Variants in KCNIP1 observed in about 807,000 individuals in gnomAD.
KCNIP1 encodes the protein A-type potassium channel modulatory protein KCNIP1.
A neutral mutation model predicts 33.0 loss-of-function variants in KCNIP1; 18 were observed. The observed-to-expected ratio is 0.55, with a 90% CI of 0.38 to 0.81. The LOEUF is 0.81. Ranked by LOEUF, KCNIP1 falls within the 30% of genes least tolerant of loss-of-function variation. The pLI, the probability that KCNIP1 is intolerant of heterozygous loss-of-function variation, is 0.00. For missense variants in KCNIP1, 238 were observed against 271.6 expected (o/e 0.88, Z 0.87); for synonymous variants, 93 against 98.3 (o/e 0.95, Z 0.32).
At chr5:170,589,251 G>A (rs1482307458) in intron 1 of KCNIP1, among the ~76,000 whole-genome samples, 1 of 151,954 alleles carries the variant, frequency 6.6e-6, no homozygotes, top group South Asian at 2.1e-4. Flanking sequence ...CACCCGCCTC[G>A]GCCTCCCAAA....
chr5:170,487,002 A>G (rs755068519), intron 1 of KCNIP1, among the ~76,000 whole-genome samples: 8 of 152,198 alleles, frequency 5.3e-5, no homozygotes, highest in Non-Finnish European at 7.3e-5. Flanking sequence ...TATATATATT[A>G]TACACATTAT....
chr5:170,408,617 G>T (rs188345061), intron 1 of KCNIP1, among the ~76,000 whole-genome samples: 1 of 152,200 alleles, frequency 6.6e-6, no homozygotes, highest in Non-Finnish European at 1.5e-5. Context: ...CTTCTCGGGC[G>T]ATGAGAGAAA....
intron 1 of KCNIP1, among the ~76,000 whole-genome samples, chr5:170,569,833 C>G (rs1319311871): frequency 6.6e-6 from 1 of 152,078 alleles, no homozygotes; most frequent in Non-Finnish European, 1.5e-5. Flanking sequence ...GATTTCCATC[C>G]AGACAAAGAA....
At position 170,462,175 on chromosome 5, in the gene KCNIP1, C is replaced by T. The variant is rs1756515921; in HGVS notation, c.88+108211C>T. Among the ~76,000 whole-genome samples, 3 of 145,404 alleles carry T rather than the reference C, an allele frequency of 2.1e-5. No individual in the cohort carries two copies. In the South Asian group the frequency reaches 6.6e-4, roughly 32 times the overall value. On this transcript the variant is annotated intron_variant, in intron 1 of 7. Coordinates refer to the KCNIP1 transcript ENST00000377360. Reference sequence around the variant, plus strand: ...ATGAACAGTCAGCAGAGTAAACAGACAACCCAGAGAGTGGGAGAAAATCTT... The same window carrying T: ...ATGAACAGTCAGCAGAGTAAACAGATAACCCAGAGAGTGGGAGAAAATCTT...
chr5:170,531,179 GC>G (rs1465683446), intron 1 of KCNIP1, among the ~76,000 whole-genome samples: 1 of 152,170 alleles, frequency 6.6e-6, no homozygotes, highest in African/African-American at 2.4e-5. Context: ...GGATGTGGCA[GC>G]AAACAGGTAT....
chr5:170,640,323 C>T (rs765336725), intron 1 of KCNIP1, among the ~76,000 whole-genome samples: 1 of 152,134 alleles, frequency 6.6e-6, no homozygotes, highest in African/African-American at 2.4e-5. Context: ...GAGTAGGGCA[C>T]GCAGGGAAGA....
At chr5:170,608,701 G>A (rs1403507227) in intron 1 of KCNIP1, among the ~76,000 whole-genome samples, 1 of 151,864 alleles carries the variant, frequency 6.6e-6, no homozygotes, top group African/African-American at 2.4e-5. Flanking sequence ...GAACCCGGGA[G>A]GCAGAGGTTG....
intron 1 of KCNIP1, among the ~76,000 whole-genome samples, chr5:170,519,413 C>T (rs772118642): frequency 1.1e-4 from 17 of 152,162 alleles, no homozygotes; most frequent in African/African-American, 2.2e-4. Flanking sequence ...ATAAGGAATA[C>T]GATTTGGGGA....
upstream of KCNIP1, among the ~76,000 whole-genome samples, chr5:170,502,685 G>A (rs1020187698): frequency 2.0e-5 from 3 of 152,210 alleles, no homozygotes; most frequent in African/African-American, 7.2e-5. Context: ...GCTTGTTTAT[G>A]AGGCCATACA....
intron 1 of KCNIP1, among the ~76,000 whole-genome samples, chr5:170,686,691 T>C (rs17072805): frequency 0.069 from 10,439 of 152,188 alleles, 437 homozygotes; most frequent in African/African-American, 0.11. Context: ...ACATTCTGTC[T>C]AGTTACTTCC....
intron 1 of KCNIP1, among the ~76,000 whole-genome samples, chr5:170,358,918 T>C (rs1429922369): frequency 6.6e-6 from 1 of 152,210 alleles, no homozygotes; most frequent in Non-Finnish European, 1.5e-5. Flanking sequence ...AAGTCACGCC[T>C]GCCTGCACTA....
At chr5:170,524,584 G>GC (rs1290084139) in intron 1 of KCNIP1, among the ~76,000 whole-genome samples, 1 of 152,102 alleles carries the variant, frequency 6.6e-6, no homozygotes, top group Non-Finnish European at 1.5e-5. Context: ...AAGACTCAGA[G>GC]CATGACCAGT....
intron 1 of KCNIP1, among the ~76,000 whole-genome samples, chr5:170,458,354 G>A (rs1756435598): frequency 6.6e-6 from 1 of 152,216 alleles, no homozygotes; most frequent in African/African-American, 2.4e-5. Context: ...AGAACACCTG[G>A]GAAATTCATT....
At chr5:170,634,079 T>G (rs780226038) in intron 1 of KCNIP1, among the ~76,000 whole-genome samples, 1 of 151,914 alleles carries the variant, frequency 6.6e-6, no homozygotes, top group South Asian at 2.1e-4. Flanking sequence ...CAGACCAAAG[T>G]TGAGGTGAGA....
intron 1 of KCNIP1, among the ~76,000 whole-genome samples, chr5:170,618,508 G>GA (rs1759475899): frequency 2.1e-5 from 2 of 95,716 alleles, no homozygotes; most frequent in Admixed American, 1.1e-4. Flanking sequence ...GGGAGGAAAG[G>GA]AGGAAGGAAG....
intron 1 of KCNIP1, among the ~76,000 whole-genome samples, chr5:170,654,437 G>A (rs1386936540): frequency 6.6e-6 from 1 of 152,166 alleles, no homozygotes; most frequent in East Asian, 1.9e-4. Context: ...ATAAAATTGT[G>A]TCGTACTGTA....
chr5:170,545,346 A>T (rs1756373501), intron 1 of KCNIP1, among the ~76,000 whole-genome samples: 1 of 152,038 alleles, frequency 6.6e-6, no homozygotes. Context: ...ATGTGTAGTT[A>T]TGATTTTCTT....
chr5:170,517,634 A>G (rs1437844123), intron 1 of KCNIP1, among the ~76,000 whole-genome samples: 2 of 150,854 alleles, frequency 1.3e-5, no homozygotes, highest in African/African-American at 4.9e-5. Context: ...TGATGGTGAT[A>G]TGGTAGTATG....
chr5:170,615,868 G>A (rs977628190), intron 1 of KCNIP1, among the ~76,000 whole-genome samples: 7 of 152,208 alleles, frequency 4.6e-5, no homozygotes, highest in Non-Finnish European at 1.0e-4. Context: ...GTCCTGGCAC[G>A]CATCTGGCAC....
Sources: allele counts gnomAD v4.1 joint callset (sites outside exome capture counted in the v4.1 genomes callset), GRCh38; gene constraint gnomAD v4.1.1; transcripts MANE v1.5; gene names NCBI Gene and HGNC (gene_info 2026-07-23, HGNC 2026-07-21).